CFAP74: variants seen among roughly 807,000 people sequenced by gnomAD.
The protein encoded by CFAP74 is cilia and flagella associated protein 74, also known as cilia- and flagella-associated protein 74.
CFAP74 carries 124 observed loss-of-function variants against 188.9 expected under a neutral mutation model. That is an observed-to-expected ratio of 0.66 (90% CI 0.57 to 0.76). The LOEUF (loss-of-function observed/expected upper bound fraction) is 0.76, where lower values mean the gene tolerates loss of function less well. CFAP74 is among the 30% of genes least tolerant of loss of function. The pLI is 0.00. For synonymous variants in CFAP74, 956 were observed against 916.7 expected (o/e 1.04, Z -0.77); for missense variants, 2,198 against 2,165.2 (o/e 1.02, Z -0.30).
rs566490940 is a variant in CFAP74, at chr1:1,933,432, G to A, written c.3012-3096C>T. 1.4e-4 allele frequency among the ~76,000 whole-genome samples: 21 copies of A among 152,086 alleles called. 1 individual carries two copies. The highest frequency in any genetic ancestry group is 4.1e-4 in the African/African-American group (17 of 41,482). ...TGACCTCAGGTGATCCGCCCGCCTC[G>A]GCCTCCCAAAGTGCTGGGATTACAG... On this transcript the variant is annotated intron_variant, in intron 25 of 38. Transcript: ENST00000682832.
At chr1:1,990,397 G>T (rs1476141349) in intron 2 of CFAP74, among the ~76,000 whole-genome samples, 1 of 150,312 alleles carries the variant, frequency 6.7e-6, no homozygotes, top group South Asian at 2.1e-4. Context: ...GCGGGGGGCA[G>T]GGGGGAGAAG....
intron 1 of CFAP74, among the ~76,000 whole-genome samples, chr1:1,993,098 G>T (rs1657687180): frequency 6.6e-6 from 1 of 150,680 alleles, no homozygotes. Context: ...CTACTTGGGA[G>T]GCTGAGGCCC....
At chr1:1,988,372 C>T in intron 4 of CFAP74, 140 bp downstream of exon 4, 6 of 1,015,934 alleles carry the variant, frequency 5.9e-6, no homozygotes, top group South Asian at 1.5e-5. Context: ...TGCAGAACTG[C>T]TCCTCCATGG....
intron 5 of CFAP74, among the ~76,000 whole-genome samples, 186 bp downstream of exon 5, chr1:1,986,751 C>T (rs1053877326): frequency 2.0e-5 from 3 of 152,250 alleles, no homozygotes; most frequent in African/African-American, 7.2e-5. Context: ...GATCCAGCCC[C>T]AGTGCCCTCC....
chr1:1,989,016 C>G, intron 2 of CFAP74, 43 bp from the exon 3 acceptor site: 1 of 967,660 alleles, frequency 1.0e-6, no homozygotes. Context: ...AAAAGCAGAT[C>G]AAACATTTGC....
chr1:1,926,052 C>G (rs1651865350), intron 32 of CFAP74, 114 bp from the exon 33 acceptor site: 3 of 1,398,268 alleles, frequency 2.1e-6, no homozygotes, highest in African/African-American at 1.5e-5. Flanking sequence ...TCTGGGGGGG[C>G]TCTGTCAGCT....
intron 1 of CFAP74, among the ~76,000 whole-genome samples, chr1:1,998,594 C>T (rs2102121166): frequency 6.6e-6 from 1 of 152,146 alleles, no homozygotes; most frequent in South Asian, 2.1e-4. Context: ...AAATAAATAG[C>T]CTGGGCGCGG....
chr1:1,968,583 C>T lies in CFAP74; in HGVS notation c.1245+52G>A. On this transcript the variant is annotated intron_variant, in intron 11 of 38. Transcript: ENST00000682832. This position sits in a 1 kb window ranked among gnomAD's most constrained non-coding sequence, Gnocchi z 4.3. ...ACCACACCTGAGCCCTGAGGCCCCACCTGCCCTCCACAGGTGTGCGGCTTC... is the reference window on the plus strand; with the variant it reads ...ACCACACCTGAGCCCTGAGGCCCCATCTGCCCTCCACAGGTGTGCGGCTTC... 6.7e-7 allele frequency: 1 copy of T among 1,499,582 alleles called. No individual in the cohort carries two copies. The highest frequency in any genetic ancestry group is 9.2e-7 in the Non-Finnish European group (1 of 1,088,944). 92.9% of individuals were successfully genotyped at this position (1,499,582 alleles called of 1,614,324 possible).
At chr1:1,986,346 AC>A (rs998005264) in intron 5 of CFAP74, among the ~76,000 whole-genome samples, 1 of 152,120 alleles carries the variant, frequency 6.6e-6, no homozygotes, top group Non-Finnish European at 1.5e-5. Flanking sequence ...GAAGCCCCTC[AC>A]CCCCCAGGGC....
rs535825172 is a variant in CFAP74 at position 1,928,695 on chromosome 1, G to A, written c.3387+89C>T. The A allele has an allele frequency of 2.2e-4, 208 of 953,328 alleles. No homozygotes were observed. The East Asian group carries it at 2.8e-3, about 13-fold the overall frequency. The allele number at this position is 953,328 out of a possible 1,614,324, so 59.1% of individuals were successfully genotyped here. The stretch of plus-strand genomic sequence containing the variant: ...TACCCTGTGCTCCCGGCACGTGGCC[G>A]GAGCCCCCCAGGACTCGAAGGCGGT... On this transcript the variant is annotated intron_variant, in intron 27 of 38. Transcript: ENST00000682832.
At chr1:1,967,950 T>G in intron 11 of CFAP74, among the ~76,000 whole-genome samples, 1 of 103,018 alleles carries the variant, frequency 9.7e-6, no homozygotes, top group Non-Finnish European at 2.2e-5. Context: ...AATGAGTGAA[T>G]CAGTGAGTGA....
At position 1,942,164 on chromosome 1, in the gene CFAP74, C is replaced by A; in HGVS notation, c.2487-8G>T. 6.7e-7 allele frequency: 1 copy of A among 1,500,814 alleles called. No individual in the cohort carries two copies. Among genetic ancestry groups the A allele is most frequent in the Non-Finnish European group, 8.8e-7 (1 of 1,130,006 alleles). The allele number at this position is 1,500,814 out of a possible 1,614,324, so 93.0% of individuals were successfully genotyped here. A position where few individuals can be genotyped will look rare whatever the true frequency, so the allele number is the denominator to read the frequency against. On this transcript the variant is annotated splice_polypyrimidine_tract_variant and splice_region_variant and intron_variant, in intron 21 of 38. Coordinates refer to ENST00000682832, the MANE Select transcript of CFAP74 (RefSeq NM_001304360.2). This position sits in a 1 kb window ranked among gnomAD's most constrained non-coding sequence, Gnocchi z 4.3. ...CGCAGGGCAGCTTTCGACCTGTGGGCGTGTCGCAGGGCACTGGGTCAGGTG... is the reference window on the plus strand; with the variant it reads ...CGCAGGGCAGCTTTCGACCTGTGGGAGTGTCGCAGGGCACTGGGTCAGGTG...
At chr1:1,938,684 T>C (rs913628346) in intron 25 of CFAP74, among the ~76,000 whole-genome samples, 171 bp downstream of exon 25, 1 of 152,198 alleles carries the variant, frequency 6.6e-6, no homozygotes, top group African/African-American at 2.4e-5. Flanking sequence ...GTCCCAGGCC[T>C]CTCTGCACCC....
intron 14 of CFAP74, among the ~76,000 whole-genome samples, chr1:1,961,213 A>G (rs75762553): frequency 0.016 from 2,394 of 152,292 alleles, 59 homozygotes; most frequent in African/African-American, 0.05. Flanking sequence ...AGAGCCGGAG[A>G]ATGAATGGGG....
rs1174210846 is a variant in CFAP74, at chr1:1,926,463, A to G, written c.3822T>C (p.Asp1274=). Residue 1274 remains aspartate (D), a synonymous_variant, in exon 31 of 39, where the codon GAT becomes GAC. Transcript: ENST00000682832. ...GCTGGGTGGACAAGGACACGGCCAGATCCTCGGGAGAGACGTTCTGGATGG... is the reference window on the plus strand; with the variant it reads ...GCTGGGTGGACAAGGACACGGCCAGGTCCTCGGGAGAGACGTTCTGGATGG... ...KISIQNVSPE[D]LALDFSLLNP... is the part of the protein sequence containing the mutation. The G allele has an allele frequency of 1.9e-6, 3 of 1,550,188 alleles. No homozygotes were observed. The highest frequency in any genetic ancestry group is 2.6e-6 in the Non-Finnish European group (3 of 1,146,896).
intron 9 of CFAP74, among the ~76,000 whole-genome samples, chr1:1,971,089 ATGCACACCTGCACACGTG>A (rs1655973769): frequency 6.7e-6 from 1 of 148,648 alleles, no homozygotes; most frequent in African/African-American, 2.5e-5. Flanking sequence ...ACACTCATAC[ATGCACACCTGCACACGTG>A]TGCACACACA....
chr1:1,958,147 T>C (rs1454834879), intron 16 of CFAP74, among the ~76,000 whole-genome samples: 1 of 152,214 alleles, frequency 6.6e-6, no homozygotes, highest in East Asian at 1.9e-4. Flanking sequence ...CAGAGAAAGT[T>C]ACACAGGTGC....
rs750117878 is a variant in CFAP74 at position 1,972,948 on chromosome 1, G to T, written c.774C>A (p.Ala258=). 1.2e-6 allele frequency: 2 copies of T among 1,613,284 alleles called. No individual in the cohort carries two copies. Among genetic ancestry groups the T allele is most frequent in the Admixed American group, 1.7e-5 (1 of 60,014 alleles). Residue 258 remains alanine (A), a synonymous_variant, in exon 8 of 39, where the codon GCC becomes GCA. Transcript: ENST00000682832. ...AAGGGAGGCCCTACCTTCCCAGGGA[G>T]GCCTTCAGGAACCGCACGGCAACCT... ...NHKVAVRFLK[A]SLGRIREQEK...
rs549247354 is a variant in CFAP74 at position 1,927,671 on chromosome 1, C to A, written c.3463G>T (p.Asp1155Tyr). 4.7e-4 allele frequency: 732 copies of A among 1,550,174 alleles called. 1 individual carries two copies. The highest frequency in any genetic ancestry group is 6.0e-4 in the Non-Finnish European group (690 of 1,146,846). ...SFSVLRAQNR[D>Y]KLFKVSVPHV... ...GGGACAGAGACTTTGAACAGCTTGTCGCGGTTCTGTGCTCGAAGAACGGAG... is the reference window on the plus strand; with the variant it reads ...GGGACAGAGACTTTGAACAGCTTGTAGCGGTTCTGTGCTCGAAGAACGGAG... Residue 1155 changes from aspartate (D) to tyrosine (Y), a missense_variant, in exon 28 of 39, where the codon GAC becomes TAC. Physicochemically the swap from Asp to Tyr is radical, Grantham distance 160. Coordinates refer to ENST00000682832, the MANE Select transcript of CFAP74 (RefSeq NM_001304360.2).
Sources: gnomAD v4.1 joint callset for allele counts (sites outside exome capture counted in the v4.1 genomes callset) on GRCh38, gnomAD v4.1.1 for gene constraint, Gnocchi (gnomAD v3.1) non-coding constraint, MANE v1.5 for transcripts, NCBI Gene and HGNC (gene_info 2026-07-23, HGNC 2026-07-21) for gene names.